OTOG: variants seen among roughly 807,000 people sequenced by gnomAD.
The protein encoded by OTOG is otogelin.
A neutral mutation model predicts 313.8 loss-of-function variants in OTOG; 296 were observed. The observed-to-expected ratio is 0.94, with a 90% CI of 0.86 to 1.04. The LOEUF (loss-of-function observed/expected upper bound fraction) is 1.04. Among genes scored for constraint, OTOG ranks in the 50% least tolerant of loss-of-function variants. The probability of loss-of-function intolerance (pLI) is 0.00; values close to 1 mark genes in which losing one functional copy is unlikely to be tolerated. For synonymous variants in OTOG, 1,533 were observed against 1,554.9 expected (o/e 0.99, Z 0.33); for missense variants, 3,948 against 3,840.1 (o/e 1.03, Z -0.74).
intron 30 of OTOG, among the ~76,000 whole-genome samples, chr11:17,598,234 T>C (rs1463144972): frequency 6.6e-6 from 1 of 152,210 alleles, no homozygotes; most frequent in African/African-American, 2.4e-5. Flanking sequence ...AAAAATGCAG[T>C]AATCAAGAGA....
chr11:17,570,344 G>A lies in OTOG; in HGVS notation c.1909G>A (p.Val637Met), dbSNP rs1338070656. 1 of 1,550,634 alleles carries A rather than the reference G, an allele frequency of 6.4e-7. No individual in the cohort carries two copies. The highest frequency in any genetic ancestry group is 8.7e-7 in the Non-Finnish European group (1 of 1,146,994). The change falls in exon 17 of 56, where the codon GTG (valine) becomes ATG (methionine). Residue 637 changes from valine (V) to methionine (M), a missense_variant. Transcript: ENST00000399397. ...QVDQRWVEDT[V>M]GLCGTFNGNT... ...GGACCAGCGATGGGTGGAGGATACC[G>A]TGGGCCTCTGCGGCACCTTCAATGG... is the stretch of plus-strand genomic sequence containing the variant.
At chr11:17,608,145 C>T (rs1400618915) in intron 33 of OTOG, 151 bp from the exon 34 acceptor site, 17 of 554,500 alleles carry the variant, frequency 3.1e-5, no homozygotes, top group Admixed American at 1.2e-4. Flanking sequence ...CCACCATGAA[C>T]GCAGTTTCTC....
chr11:17,552,638 C>T (rs752653665), intron 4 of OTOG, among the ~76,000 whole-genome samples: 5 of 152,204 alleles, frequency 3.3e-5, no homozygotes, highest in East Asian at 1.9e-4. Context: ...CTCCTTTCCT[C>T]GCTGCCCTCT....
chr11:17,593,934 C>G, intron 27 of OTOG, 113 bp from the exon 28 acceptor site: 3 of 1,447,124 alleles, frequency 2.1e-6, no homozygotes, highest in Non-Finnish European at 2.8e-6. Context: ...AAACTGTGAC[C>G]TCAGCAGTGG....
intron 19 of OTOG, among the ~76,000 whole-genome samples, chr11:17,573,976 G>T (rs904645981): frequency 6.6e-6 from 1 of 152,206 alleles, no homozygotes; most frequent in Non-Finnish European, 1.5e-5. Flanking sequence ...GCATATTAGA[G>T]TTACCATAGG....
chr11:17,547,275 C>A lies in OTOG; in HGVS notation c.-98C>A. On this transcript the variant is annotated 5_prime_UTR_variant, in exon 1 of 56. Transcript: ENST00000399397. The stretch of plus-strand genomic sequence containing the variant: ...CCCTGGGGCATGAGAACAAGAGGGA[C>A]CTCGGCTGCGGAGTGGAGGTGTGAC... 2.9e-6 allele frequency: 3 copies of A among 1,026,400 alleles called. No individual in the cohort carries two copies. Among genetic ancestry groups the A allele is most frequent in the Non-Finnish European group, 3.8e-6 (3 of 791,156 alleles). 63.6% of individuals were successfully genotyped at this position (1,026,400 alleles called of 1,614,324 possible).
At chr11:17,586,427 T>TA in intron 23 of OTOG, 47 bp from the exon 24 acceptor site, 1 of 1,185,124 alleles carries the variant, frequency 8.4e-7, no homozygotes, top group South Asian at 2.6e-5. Context: ...AGATGGCAGC[T>TA]ATGGGAAGAG....
intron 22 of OTOG, among the ~76,000 whole-genome samples, chr11:17,577,848 G>A (rs7127834): frequency 0.34 from 51,326 of 151,716 alleles, 9,031 homozygotes; most frequent in Non-Finnish European, 0.4. Context: ...CAGACCTTAT[G>A]GAAGGCTGAG....
chr11:17,631,646 C>T (rs961478139), intron 40 of OTOG, 56 bp from the exon 41 acceptor site: 17 of 1,389,246 alleles, frequency 1.2e-5, no homozygotes, highest in African/African-American at 2.9e-5. Context: ...TGAGAGCTGA[C>T]GACATGGGAG....
intron 3 of OTOG, among the ~76,000 whole-genome samples, chr11:17,551,486 T>C (rs1437668345): frequency 6.6e-6 from 1 of 151,964 alleles, no homozygotes; most frequent in African/African-American, 2.4e-5. Context: ...TGGGTGTTGA[T>C]CTGTGGGCTG....
intron 39 of OTOG, among the ~76,000 whole-genome samples, chr11:17,621,612 C>G (rs1340093198): frequency 1.3e-5 from 2 of 152,120 alleles, no homozygotes; most frequent in Admixed American, 6.5e-5. Context: ...CTCTCTCTCT[C>G]TCTGTCTGCC....
Position 17,586,535 on chromosome 11 carries a change from A to G in OTOG, c.2821A>G (p.Lys941Glu). Reference sequence around the variant, plus strand: ...GGAGTGCCCCTGCACTTGGAAGGGGAAGGAGTATTTCCCTGGGGACCAGGT... The same window carrying G: ...GGAGTGCCCCTGCACTTGGAAGGGGGAGGAGTATTTCCCTGGGGACCAGGT... Reference protein sequence around the residue: ...PEECPCTWKGKEYFPGDQVMS... With the variant: ...PEECPCTWKGEEYFPGDQVMS... The change falls in exon 24 of 56, where the codon AAG (lysine) becomes GAG (glutamate). Residue 941 changes from lysine to glutamate, a missense_variant. Transcript: ENST00000399397. 1.4e-6 allele frequency: 2 copies of G among 1,450,064 alleles called. No individual in the cohort carries two copies. Among genetic ancestry groups the G allele is most frequent in the South Asian group, 1.5e-5 (1 of 67,258 alleles). The allele number at this position is 1,450,064 out of a possible 1,614,324, so 89.8% of individuals were successfully genotyped here.
chr11:17,578,604 G>A (rs1323372955), intron 23 of OTOG, 78 bp downstream of exon 23: 3 of 1,440,232 alleles, frequency 2.1e-6, no homozygotes, highest in Non-Finnish European at 1.8e-6. Context: ...GTGGGGGCAG[G>A]GAAAACATCA....
chr11:17,558,105 G>A (rs1852093551), intron 8 of OTOG, 80 bp from the exon 9 acceptor site: 21 of 1,495,490 alleles, frequency 1.4e-5, no homozygotes, highest in South Asian at 3.8e-5. Context: ...CTTGGGATCC[G>A]CTTTCCCTCA....
At chr11:17,576,753 G>A (rs1852537093) in intron 21 of OTOG, 115 bp from the exon 22 acceptor site, 2 of 1,454,860 alleles carry the variant, frequency 1.4e-6, no homozygotes, top group African/African-American at 1.4e-5. Context: ...CAGGGAGGGG[G>A]AAGTGAGTGA....
At chr11:17,620,513 C>T (rs2134110048) in intron 39 of OTOG, among the ~76,000 whole-genome samples, 1 of 152,210 alleles carries the variant, frequency 6.6e-6, no homozygotes. Flanking sequence ...TAAGCTATTT[C>T]CATATTTTTG....
Position 17,558,068 on chromosome 11 carries a change from G to A in OTOG, c.866-117G>A, listed in dbSNP as rs180737828. 3.1e-3 allele frequency: 3,973 copies of A among 1,280,114 alleles called. 7 individuals carry two copies. The highest frequency in any genetic ancestry group is 4.4e-3 in the Admixed American group (179 of 40,396). 79.3% of individuals were successfully genotyped at this position (1,280,114 alleles called of 1,614,324 possible). A position where few individuals can be genotyped will look rare whatever the true frequency, so the allele number is the denominator to read the frequency against. ...GATTGGGATGGGAGCTCAGGAGACC[G>A]GATTCTTCAAAACTCCTTACCCATC... On this transcript the variant is annotated intron_variant, in intron 8 of 55. Coordinates refer to ENST00000399397, the MANE Select transcript of OTOG (RefSeq NM_001292063.2).
intron 15 of OTOG, among the ~76,000 whole-genome samples, chr11:17,562,636 T>C (rs1173036257): frequency 2.6e-5 from 4 of 152,226 alleles, no homozygotes; most frequent in Non-Finnish European, 5.9e-5. Context: ...CCAGTGTGAA[T>C]GGCACACAAA....
chr11:17,636,291 T>G (rs1462151836), intron 47 of OTOG, among the ~76,000 whole-genome samples: 1 of 152,368 alleles, frequency 6.6e-6, no homozygotes, highest in East Asian at 1.9e-4. Context: ...GAATGCACTA[T>G]GTACATAGTA....
Sources: gnomAD v4.1 joint callset for allele counts (sites outside exome capture counted in the v4.1 genomes callset) on GRCh38, gnomAD v4.1.1 for gene constraint, MANE v1.5 for transcripts, NCBI Gene and HGNC (gene_info 2026-07-23, HGNC 2026-07-21) for gene names.